PTPRG: variants seen among roughly 807,000 people sequenced by gnomAD.
PTPRG encodes protein tyrosine phosphatase receptor type G.
Under a neutral mutation model 165.3 loss-of-function variants are expected in PTPRG, and 102 were observed. The ratio of observed to expected loss-of-function variants is 0.62; its 90% CI spans 0.53 to 0.73. PTPRG has a LOEUF of 0.73. Among genes scored for constraint, PTPRG ranks in the 30% least tolerant of loss-of-function variants. The probability of loss-of-function intolerance (pLI) is 0.00; values close to 1 mark genes in which losing one functional copy is unlikely to be tolerated. For synonymous variants in PTPRG, 675 were observed against 669.5 expected (o/e 1.01, Z -0.13); for missense variants, 1,866 against 1,861.4 (o/e 1.00, Z -0.05).
intron 2 of PTPRG, among the ~76,000 whole-genome samples, chr3:61,936,440 G>A (rs1575802165): frequency 6.6e-6 from 1 of 152,100 alleles, no homozygotes; most frequent in Non-Finnish European, 1.5e-5. Context: ...TTTTAGCTTG[G>A]CTTTGACCAG....
chr3:61,979,792 G>A (rs1382796), intron 2 of PTPRG, among the ~76,000 whole-genome samples: 82,413 of 152,050 alleles, frequency 0.54, 22,824 homozygotes, highest in African/African-American at 0.66. Context: ...TGGAGCAAAC[G>A]TTCCTCCTTT....
intron 1 of PTPRG, among the ~76,000 whole-genome samples, chr3:61,694,500 G>A (rs762909373): frequency 6.6e-6 from 1 of 152,058 alleles, no homozygotes; most frequent in Admixed American, 6.6e-5. Context: ...AGAACCTGTC[G>A]GTTTCCACAG....
At chr3:61,639,750 A>G (rs1043779681) in intron 1 of PTPRG, among the ~76,000 whole-genome samples, 7 of 152,290 alleles carry the variant, frequency 4.6e-5, no homozygotes, top group African/African-American at 7.2e-5. Context: ...GTTTTTATAC[A>G]TTAATTTTGT....
At chr3:61,733,031 T>A (rs1036050739) in intron 1 of PTPRG, among the ~76,000 whole-genome samples, 5 of 152,014 alleles carry the variant, frequency 3.3e-5, no homozygotes, top group Non-Finnish European at 7.4e-5. Context: ...CACTAGAGGG[T>A]TTTTACAGTG....
chr3:61,854,054 A>G (rs1446329728), intron 2 of PTPRG, among the ~76,000 whole-genome samples: 3 of 152,204 alleles, frequency 2.0e-5, no homozygotes, highest in Admixed American at 2.0e-4. Flanking sequence ...CATTCAAAAG[A>G]GAAAGGCCTG....
chr3:62,209,111 G>T (rs778484809), intron 12 of PTPRG, among the ~76,000 whole-genome samples: 3 of 152,228 alleles, frequency 2.0e-5, no homozygotes, highest in Non-Finnish European at 4.4e-5. Flanking sequence ...TTTAATGTGT[G>T]CTTTTAAAAA....
rs147128073 is a variant in PTPRG, at chr3:61,910,278, G to A, written c.191-79347G>A. Among the ~76,000 whole-genome samples the A allele has an allele frequency of 4.9e-4, 74 of 152,282 alleles. 1 individual carries two copies. In the East Asian group the frequency reaches 6.7e-3, roughly 14 times the overall value. On this transcript the variant is annotated intron_variant, in intron 2 of 29. Coordinates refer to ENST00000474889, the MANE Select transcript of PTPRG (RefSeq NM_002841.4). ...TGAATTTTGCAAATTTAGTGAATTTGTTTGTTGCCGAATGTCACCAAAATG... is the reference window on the plus strand; with the variant it reads ...TGAATTTTGCAAATTTAGTGAATTTATTTGTTGCCGAATGTCACCAAAATG...
intron 2 of PTPRG, among the ~76,000 whole-genome samples, chr3:61,968,890 T>C (rs2040329002): frequency 6.6e-6 from 1 of 152,206 alleles, no homozygotes; most frequent in Admixed American, 6.5e-5. Flanking sequence ...GTAATGATTC[T>C]CATAGCTCAC....
At chr3:61,959,227 T>C (rs1361298647) in intron 2 of PTPRG, among the ~76,000 whole-genome samples, 1 of 152,182 alleles carries the variant, frequency 6.6e-6, no homozygotes, top group Non-Finnish European at 1.5e-5. Context: ...CTTCTCTGGG[T>C]CAAGAGTCCA....
chr3:61,778,968 A>G (rs2034464558), intron 2 of PTPRG, among the ~76,000 whole-genome samples: 1 of 152,138 alleles, frequency 6.6e-6, no homozygotes, highest in Non-Finnish European at 1.5e-5. Context: ...GGAGGAAGGA[A>G]GGAGCTGGAT....
intron 5 of PTPRG, among the ~76,000 whole-genome samples, chr3:62,087,958 A>C (rs1397287380): frequency 6.6e-6 from 1 of 152,034 alleles, no homozygotes; most frequent in Non-Finnish European, 1.5e-5. Flanking sequence ...TTTTTTCTTT[A>C]GTTTCCTCCC....
At position 62,240,323 on chromosome 3, in the gene PTPRG, A is replaced by G. The variant is rs1422516841; in HGVS notation, c.2376-3484A>G. On this transcript the variant is annotated intron_variant, in intron 14 of 29. Transcript: ENST00000474889. The surrounding 1 kb of genome is among the most constrained non-coding windows in gnomAD (Gnocchi z 5.1). ...GCACTCCAGCCTGGATGACAGAGCG[A>G]GACTCCATCTCAAAATAAAATAAAA... is the stretch of plus-strand genomic sequence containing the variant. Among the ~76,000 whole-genome samples the G allele has an allele frequency of 6.6e-6, 1 of 152,164 alleles. No homozygotes were observed. The highest frequency in any genetic ancestry group is 1.9e-4 in the East Asian group (1 of 5,188).
chr3:61,727,630 C>G (rs1465111432), intron 1 of PTPRG, among the ~76,000 whole-genome samples: 1 of 152,202 alleles, frequency 6.6e-6, no homozygotes, highest in Non-Finnish European at 1.5e-5. Flanking sequence ...ACAGCCAACA[C>G]TGGTTAATGT....
intron 1 of PTPRG, among the ~76,000 whole-genome samples, chr3:61,601,160 G>A (rs1467195330): frequency 6.6e-6 from 1 of 152,212 alleles, no homozygotes; most frequent in African/African-American, 2.4e-5. Flanking sequence ...GGAGGCTGAG[G>A]TGGGAGAATC....
intron 5 of PTPRG, among the ~76,000 whole-genome samples, chr3:62,127,655 C>A (rs1029195100): frequency 1.3e-5 from 2 of 152,146 alleles, no homozygotes; most frequent in Non-Finnish European, 2.9e-5. Flanking sequence ...GTGTCGGATT[C>A]AAGGCAAGTA....
intron 2 of PTPRG, among the ~76,000 whole-genome samples, chr3:61,868,673 G>T (rs1263802211): frequency 6.6e-6 from 1 of 152,180 alleles, no homozygotes; most frequent in African/African-American, 2.4e-5. Flanking sequence ...AGAAAATTCT[G>T]TGTAATGGGA....
At chr3:61,589,467 G>A (rs1163801018) in intron 1 of PTPRG, among the ~76,000 whole-genome samples, 1 of 152,194 alleles carries the variant, frequency 6.6e-6, no homozygotes, top group Non-Finnish European at 1.5e-5. Context: ...TACTGTCTCT[G>A]CCATAGAAGT....
intron 8 of PTPRG, among the ~76,000 whole-genome samples, chr3:62,170,904 G>A (rs955341978): frequency 1.4e-4 from 22 of 152,072 alleles, no homozygotes; most frequent in Non-Finnish European, 2.6e-4. Context: ...AGAAACTCCC[G>A]TCTAGGATCT....
At chr3:62,181,475 CATT>C (rs957544951) in intron 8 of PTPRG, among the ~76,000 whole-genome samples, 5 of 152,130 alleles carry the variant, frequency 3.3e-5, no homozygotes, top group Admixed American at 1.3e-4. Context: ...AACACCTACT[CATT>C]GTTGAGATTT....
Sources: gnomAD v4.1 joint callset for allele counts (sites outside exome capture counted in the v4.1 genomes callset) on GRCh38, gnomAD v4.1.1 for gene constraint, Gnocchi (gnomAD v3.1) non-coding constraint, MANE v1.5 for transcripts, NCBI Gene and HGNC (gene_info 2026-07-23, HGNC 2026-07-21) for gene names.